NFAM1: variants seen among roughly 807,000 people sequenced by gnomAD.
NFAM1 encodes the protein NFAT activation molecule 1.
Under a neutral mutation model 29.0 loss-of-function variants are expected in NFAM1, and 17 were observed. The ratio of observed to expected loss-of-function variants is 0.59; its 90% CI spans 0.40 to 0.88. The LOEUF (loss-of-function observed/expected upper bound fraction) is 0.88, where lower values mean the gene tolerates loss of function less well. Among genes scored for constraint, NFAM1 ranks in the 40% least tolerant of loss-of-function variants. The pLI is 0.00. For missense variants in NFAM1, 324 were observed against 344.6 expected (o/e 0.94, Z 0.47); for synonymous variants, 175 against 147.2 (o/e 1.19, Z -1.36).
intron 1 of NFAM1, among the ~76,000 whole-genome samples, chr22:42,428,400 G>A (rs1569237386): frequency 6.6e-6 from 1 of 152,202 alleles, no homozygotes; most frequent in South Asian, 2.1e-4. Flanking sequence ...GAGGCAGGAG[G>A]TCTCAGCCGG....
At chr22:42,399,511 G>A (rs904546307) in intron 3 of NFAM1, among the ~76,000 whole-genome samples, 3 of 151,838 alleles carry the variant, frequency 2.0e-5, no homozygotes, top group Admixed American at 6.6e-5. Context: ...TGTGTGGCCC[G>A]AGAGAGGAGC....
chr22:42,429,524 G>A (rs1465004468), intron 1 of NFAM1, among the ~76,000 whole-genome samples: 2 of 152,352 alleles, frequency 1.3e-5, no homozygotes, highest in South Asian at 2.1e-4. Context: ...GCTGAGGCAG[G>A]AGAATCGCTT....
At chr22:42,400,955 G>A (rs62238258) in intron 3 of NFAM1, among the ~76,000 whole-genome samples, 13,097 of 152,270 alleles carry the variant, frequency 0.086, 781 homozygotes, top group Non-Finnish European at 0.12. Flanking sequence ...GGGCTGGAAA[G>A]CAAGGTCCCT....
At chr22:42,405,195 G>A (rs141348248) in intron 3 of NFAM1, among the ~76,000 whole-genome samples, 104 of 152,244 alleles carry the variant, frequency 6.8e-4, no homozygotes, top group African/African-American at 2.5e-3. Context: ...TCTACGGTCC[G>A]GTCCCATCTT....
chr22:42,419,989 G>GTTTTTTTTTTTTTT lies in NFAM1; in HGVS notation c.122-8254_122-8253insAAAAAAAAAAAAAA, dbSNP rs1491236869. 3.5e-5 allele frequency among the ~76,000 whole-genome samples: 2 copies of GTTTTTTTTTTTTTT among 56,546 alleles called. No homozygotes were observed. The highest frequency in any genetic ancestry group is 6.7e-5 in the Non-Finnish European group (2 of 29,696). 37.1% of individuals were successfully genotyped at this position (56,546 alleles called of 152,430 possible). A position where few individuals can be genotyped will look rare whatever the true frequency, so the allele number is the denominator to read the frequency against. The stretch of plus-strand genomic sequence containing the variant: ...CCTTTGAGTCTGTAATCCCACTCTT[G>GTTTTTTTTTTTTTT]GTTTTTTTTTTTTTTTTTTTTTTTT... On this transcript the variant is annotated intron_variant, in intron 1 of 5. Coordinates refer to ENST00000329021, the MANE Select transcript of NFAM1 (RefSeq NM_145912.8). The surrounding 1 kb of genome is among the most constrained non-coding windows in gnomAD (Gnocchi z 4.5).
At chr22:42,405,243 G>T (rs993514600) in intron 3 of NFAM1, among the ~76,000 whole-genome samples, 1 of 152,180 alleles carries the variant, frequency 6.6e-6, no homozygotes, top group Non-Finnish European at 1.5e-5. Flanking sequence ...CAAATGGGGG[G>T]CTCAAGGTTA....
chr22:42,435,251 T>A (rs1038190562), upstream of NFAM1, among the ~76,000 whole-genome samples: 2 of 152,162 alleles, frequency 1.3e-5, no homozygotes, highest in African/African-American at 4.8e-5. Flanking sequence ...GGAGCCCAGG[T>A]GTCCCCTGCA....
chr22:42,387,013 G>T lies in NFAM1; in HGVS notation c.729C>A (p.Thr243=). The part of the protein sequence containing the change: ...CIENEDGSSP[T]AKQSPLSQER... ...CCTGGGAGAGGGGGCTCTGCTTGGC[G>T]GTGGGTGAGCTGCCATCCTCATTCT... The change falls in exon 5 of 6, where the codon ACC becomes ACA. Residue 243 remains threonine, a synonymous_variant. Coordinates refer to ENST00000329021, the MANE Select transcript of NFAM1 (RefSeq NM_145912.8). 6.3e-7 allele frequency: 1 copy of T among 1,576,674 alleles called. No homozygotes were observed. Among genetic ancestry groups the T allele is most frequent in the Non-Finnish European group, 8.6e-7 (1 of 1,161,240 alleles).
chr22:42,400,996 T>C (rs1467951630), intron 3 of NFAM1, among the ~76,000 whole-genome samples: 1 of 152,144 alleles, frequency 6.6e-6, no homozygotes, highest in Non-Finnish European at 1.5e-5. Flanking sequence ...TGTCCCTCCC[T>C]GGCCCTCCTA....
rs1334972980 is a variant in NFAM1 at position 42,385,244 on chromosome 22, G to T, written c.754-24C>A. ...TCCTGGATAGAAAAGAAGAAAGGGAGGGAAGGAGAGAAAGAGAGAGAATGA... is the reference window on the plus strand; with the variant it reads ...TCCTGGATAGAAAAGAAGAAAGGGATGGAAGGAGAGAAAGAGAGAGAATGA... On this transcript the variant is annotated intron_variant, in intron 5 of 5. Coordinates refer to ENST00000329021, the MANE Select transcript of NFAM1 (RefSeq NM_145912.8). 4 of 1,523,536 alleles carry T rather than the reference G, an allele frequency of 2.6e-6. No homozygotes were observed. In the Admixed American group the frequency reaches 6.7e-5, roughly 25 times the overall value. 94.4% of individuals were successfully genotyped at this position (1,523,536 alleles called of 1,614,324 possible). A position where few individuals can be genotyped will look rare whatever the true frequency, so the allele number is the denominator to read the frequency against.
chr22:42,386,657 G>GCACAGCT (rs1366455004), intron 5 of NFAM1, among the ~76,000 whole-genome samples: 1 of 152,172 alleles, frequency 6.6e-6, no homozygotes, highest in African/African-American at 2.4e-5. Flanking sequence ...TAGTGCATGG[G>GCACAGCT]CACAGCTGGG....
chr22:42,404,424 A>G (rs1488428987), intron 3 of NFAM1, among the ~76,000 whole-genome samples: 1 of 152,008 alleles, frequency 6.6e-6, no homozygotes, highest in Non-Finnish European at 1.5e-5. Flanking sequence ...TGCCGCTGCC[A>G]TCAGGGGCAT....
chr22:42,422,797 CTGAAT>C lies in NFAM1; in HGVS notation c.121+9435_121+9439del, dbSNP rs1930489797. 5.3e-5 allele frequency among the ~76,000 whole-genome samples: 8 copies of C among 151,982 alleles called. No individual in the cohort carries two copies. In the South Asian group the frequency reaches 1.7e-3, roughly 32 times the overall value. The stretch of plus-strand genomic sequence containing the variant: ...GTGAGGTTGGGTCTGCTTCTTGTCT[CTGAAT>C]TGGAGTGGGCAAAATGAAGTGAGGG... On this transcript the variant is annotated intron_variant, in intron 1 of 5. Transcript: ENST00000329021.
At chr22:42,413,660 G>A (rs1930166931) in intron 1 of NFAM1, among the ~76,000 whole-genome samples, 1 of 152,076 alleles carries the variant, frequency 6.6e-6, no homozygotes, top group South Asian at 2.1e-4. Flanking sequence ...GGTGGCTCAG[G>A]CCTGTTGTCC....
At chr22:42,396,419 A>T (rs977184828) in intron 4 of NFAM1, among the ~76,000 whole-genome samples, 2 of 152,196 alleles carry the variant, frequency 1.3e-5, no homozygotes, top group African/African-American at 4.8e-5. Flanking sequence ...AAAATATATT[A>T]GTCAATGTTC....
chr22:42,388,561 G>A lies in NFAM1; in HGVS notation c.664-1483C>T, dbSNP rs1160127942. On this transcript the variant is annotated intron_variant, in intron 4 of 5. Transcript: ENST00000329021. The surrounding 1 kb of genome is among the most constrained non-coding windows in gnomAD (Gnocchi z 4.1). The stretch of plus-strand genomic sequence containing the variant: ...GATGCCGGCTGGTTGCCAAGGAGGC[G>A]GTTTCCCTGGCAACAGGCAAGCAGG... Among the ~76,000 whole-genome samples, 3 of 152,092 alleles carry A rather than the reference G, an allele frequency of 2.0e-5. No individual in the cohort carries two copies. The highest frequency in any genetic ancestry group is 1.9e-4 in the East Asian group (1 of 5,188).
In NFAM1 at chr22:42,409,456, C is replaced by T. The variant is rs374683538; in HGVS notation, c.543G>A (p.Thr181=). 85 of 1,532,442 alleles carry T rather than the reference C, an allele frequency of 5.5e-5. No individual in the cohort carries two copies. The East Asian group carries it at 8.5e-4, about 15-fold the overall frequency. The allele number at this position is 1,532,442 out of a possible 1,614,324, so 94.9% of individuals were successfully genotyped here. ...GTACCTTGTTCCAGAGCAGCAGGGC[C>T]GTGCCCACTACACTCAGGACACTCA... ...GLLSVLSVVG[T]ALLLWNKKRM... Residue 181 remains threonine, a synonymous_variant, in exon 3 of 6, where the codon ACG becomes ACA. Transcript: ENST00000329021. The surrounding 1 kb of genome is among the most constrained non-coding windows in gnomAD (Gnocchi z 4.9).
Position 42,411,512 on chromosome 22 carries a change from C to T in NFAM1, c.346G>A (p.Val116Ile), listed in dbSNP as rs773775914. Residue 116 changes from valine (V) to isoleucine (I), a missense_variant, in exon 2 of 6, where the codon GTC (valine) becomes ATC (isoleucine). By Grantham distance (29) the Val-to-Ile change is conservative. Transcript: ENST00000329021. ...GATGCTCCCGGCAGCACAAGGGTGA[C>T]CTGGCAGTCCAGGGTGTGGCTCTGG... Reference protein sequence around the residue: ...ENQSHTLDCQVTLVLPGASAT... With the variant: ...ENQSHTLDCQITLVLPGASAT... 6 of 1,614,212 alleles carry T rather than the reference C, an allele frequency of 3.7e-6. No homozygotes were observed. The highest frequency in any genetic ancestry group is 5.1e-6 in the Non-Finnish European group (6 of 1,180,030).
intron 4 of NFAM1, among the ~76,000 whole-genome samples, chr22:42,393,027 T>C (rs1237824702): frequency 1.3e-5 from 2 of 152,088 alleles, no homozygotes; most frequent in African/African-American, 2.4e-5. Flanking sequence ...CTTGAACTCC[T>C]GACCTCAGGT....
Sources: allele counts gnomAD v4.1 joint callset (sites outside exome capture counted in the v4.1 genomes callset), GRCh38; gene constraint gnomAD v4.1.1; non-coding constraint Gnocchi (gnomAD v3.1); transcripts MANE v1.5; gene names NCBI Gene and HGNC (gene_info 2026-07-23, HGNC 2026-07-21).